CFAP43: variants seen among roughly 807,000 people sequenced by gnomAD.
CFAP43 encodes the protein cilia and flagella associated protein 43, also known as cilia- and flagella-associated protein 43.
In CFAP43, 155 loss-of-function variants were observed where a neutral mutation model predicts 218.9. That is an observed-to-expected ratio of 0.71 (90% CI 0.62 to 0.81). The LOEUF is 0.81. Ranked by LOEUF, CFAP43 falls within the 30% of genes least tolerant of loss-of-function variation. The probability of loss-of-function intolerance (pLI) is 0.00; values close to 1 mark genes in which losing one functional copy is unlikely to be tolerated. For missense variants in CFAP43, 1,778 were observed against 1,954.3 expected, an observed-to-expected ratio of 0.91 and a Z score of 1.70; for synonymous variants, 645 against 681.3, an observed-to-expected ratio of 0.95 and a Z score of 0.83.
At chr10:104,178,977 T>G in intron 19 of CFAP43, 52 bp downstream of exon 19, 5 of 1,447,304 alleles carry the variant, frequency 3.5e-6, no homozygotes, top group Non-Finnish European at 4.8e-6. Context: ...GTTCAAAAAG[T>G]AATTTTAGAA....
intron 17 of CFAP43, among the ~76,000 whole-genome samples, chr10:104,181,914 T>C (rs768431133): frequency 2.7e-4 from 41 of 152,212 alleles, no homozygotes; most frequent in Non-Finnish European, 5.7e-4. Context: ...CCAATTAGGA[T>C]GTAAACTCCA....
At chr10:104,230,562 T>C (rs1463980445) in intron 2 of CFAP43, 28 bp downstream of exon 2, 2 of 1,591,988 alleles carry the variant, frequency 1.3e-6, no homozygotes, top group Non-Finnish European at 1.7e-6. Context: ...CCTTCAATTA[T>C]GGGCAGAGGA....
intron 6 of CFAP43, 138 bp from the exon 7 acceptor site, chr10:104,206,168 A>T: frequency 3.1e-6 from 2 of 652,054 alleles, no homozygotes; most frequent in Non-Finnish European, 5.2e-6. Flanking sequence ...CTATGTAACT[A>T]ACATAGATGC....
At chr10:104,145,623 G>T in intron 30 of CFAP43, 59 bp from the exon 31 acceptor site, 2 of 768,020 alleles carry the variant, frequency 2.6e-6, no homozygotes, top group Non-Finnish European at 1.8e-6. Flanking sequence ...TTTATTTGTT[G>T]ACAATACTCT....
chr10:104,196,469 C>A (rs1490915113), intron 10 of CFAP43, among the ~76,000 whole-genome samples: 2 of 152,188 alleles, frequency 1.3e-5, no homozygotes, highest in Non-Finnish European at 2.9e-5. Context: ...GCACTCTCTT[C>A]CTCTCCTGCC....
intron 28 of CFAP43, among the ~76,000 whole-genome samples, chr10:104,150,218 G>A (rs1248368768): frequency 6.6e-6 from 1 of 152,008 alleles, no homozygotes; most frequent in Non-Finnish European, 1.5e-5. Context: ...TCCACCTTTT[G>A]GCTATGACTA....
Position 104,232,359 on chromosome 10 carries a change from C to T in CFAP43, c.-113G>A. 1 of 1,106,752 alleles carries T rather than the reference C, an allele frequency of 9.0e-7. No individual in the cohort carries two copies. Among genetic ancestry groups the T allele is most frequent in the South Asian group, 1.7e-5 (1 of 59,298 alleles). 68.6% of individuals were successfully genotyped at this position (1,106,752 alleles called of 1,614,324 possible). A position where few individuals can be genotyped will look rare whatever the true frequency, so the allele number is the denominator to read the frequency against. ...GCCGCGACGCCGCTGCTGTGTACACCCGTATCCCGGAGACCGTAAGCCCCG... is the reference window on the plus strand; with the variant it reads ...GCCGCGACGCCGCTGCTGTGTACACTCGTATCCCGGAGACCGTAAGCCCCG... On this transcript the variant is annotated 5_prime_UTR_variant, in exon 1 of 38. Coordinates refer to ENST00000357060, the MANE Select transcript of CFAP43 (RefSeq NM_025145.7).
intron 30 of CFAP43, 30 bp downstream of exon 30, chr10:104,146,233 T>C (rs756542120): frequency 1.3e-6 from 2 of 1,578,150 alleles, no homozygotes; most frequent in Non-Finnish European, 1.7e-6. Flanking sequence ...CTCTACTGCA[T>C]TGTTGAGTGG....
intron 10 of CFAP43, among the ~76,000 whole-genome samples, chr10:104,195,285 G>A (rs2090352042): frequency 6.6e-6 from 1 of 152,124 alleles, no homozygotes; most frequent in Non-Finnish European, 1.5e-5. Context: ...ATCCCTCCTT[G>A]CCCAAGAGGA....
chr10:104,155,402 C>G (rs1241247517), intron 27 of CFAP43, among the ~76,000 whole-genome samples: 8 of 152,180 alleles, frequency 5.3e-5, no homozygotes, highest in Non-Finnish European at 1.2e-4. Flanking sequence ...TGATCTAAGT[C>G]AATGTCTGTG....
chr10:104,134,812 T>A (rs190405279), intron 34 of CFAP43, among the ~76,000 whole-genome samples: 1 of 151,972 alleles, frequency 6.6e-6, no homozygotes, highest in East Asian at 1.9e-4. Context: ...TAAAGAAAAA[T>A]TACACCAATA....
At position 104,232,333 on chromosome 10, in the gene CFAP43, G is replaced by A; in HGVS notation, c.-87C>T. Reference sequence around the variant, plus strand: ...ACCTTTCCGCCGCCGCGGGGCTGCGGGCCGCGACGCCGCTGCTGTGTACAC... The same window carrying A: ...ACCTTTCCGCCGCCGCGGGGCTGCGAGCCGCGACGCCGCTGCTGTGTACAC... On this transcript the variant is annotated 5_prime_UTR_variant, in exon 1 of 38. Transcript: ENST00000357060. The A allele has an allele frequency of 7.5e-7, 1 of 1,331,616 alleles. No homozygotes were observed. 82.5% of individuals were successfully genotyped at this position (1,331,616 alleles called of 1,614,324 possible).
At chr10:104,230,900 T>A in intron 1 of CFAP43, 57 bp from the exon 2 acceptor site, 6 of 1,501,358 alleles carry the variant, frequency 4.0e-6, no homozygotes, top group Non-Finnish European at 5.3e-6. Context: ...TTTTTTTTTT[T>A]TAACAAAGCA....
At chr10:104,162,198 T>G in intron 25 of CFAP43, 119 bp downstream of exon 25, 1 of 1,234,242 alleles carries the variant, frequency 8.1e-7, no homozygotes, top group South Asian at 1.2e-5. Flanking sequence ...GGAGGCCAAC[T>G]GAGATTCAAG....
At chr10:104,170,426 G>C (rs991326535) in intron 20 of CFAP43, among the ~76,000 whole-genome samples, 3 of 152,150 alleles carry the variant, frequency 2.0e-5, no homozygotes, top group Non-Finnish European at 2.9e-5. Context: ...ACTGTGTCAA[G>C]TAGTTGTATA....
At chr10:104,199,980 A>G (rs1020882929) in intron 8 of CFAP43, among the ~76,000 whole-genome samples, 6 of 148,270 alleles carry the variant, frequency 4.0e-5, no homozygotes, top group African/African-American at 7.5e-5. Flanking sequence ...GACCTCCACA[A>G]ACAAGCTTTA....
chr10:104,172,232 C>A (rs1183839083), intron 20 of CFAP43, among the ~76,000 whole-genome samples, 178 bp downstream of exon 20: 1 of 152,190 alleles, frequency 6.6e-6, no homozygotes, highest in African/African-American at 2.4e-5. Flanking sequence ...CTGCTCCTAA[C>A]CCCCAAATTC....
At chr10:104,141,429 T>C (rs917030358) in intron 33 of CFAP43, among the ~76,000 whole-genome samples, 1 of 152,060 alleles carries the variant, frequency 6.6e-6, no homozygotes, top group African/African-American at 2.4e-5. Context: ...CTGGCCAACA[T>C]GGCGAAACCC....
chr10:104,180,186 T>C (rs2089780617), intron 17 of CFAP43, among the ~76,000 whole-genome samples: 1 of 152,270 alleles, frequency 6.6e-6, no homozygotes, highest in South Asian at 2.1e-4. Flanking sequence ...CACCACTCTT[T>C]GCCTTCTTTG....
Sources: gnomAD v4.1 joint callset for allele counts (sites outside exome capture counted in the v4.1 genomes callset) on GRCh38, gnomAD v4.1.1 for gene constraint, MANE v1.5 for transcripts, NCBI Gene and HGNC (gene_info 2026-07-23, HGNC 2026-07-21) for gene names.